DRC11: variants seen among roughly 807,000 people sequenced by gnomAD.
DRC11 encodes the protein IQ and AAA domain-containing protein 1.
chr2:236,317,189 A>G, the DRC11 span, among the ~76,000 whole-genome samples: 94 of 152,162 alleles, frequency 6.2e-4, no homozygotes, highest in African/African-American at 2.2e-3. The surrounding 1 kb of genome is among the most constrained non-coding windows in gnomAD (Gnocchi z 5.4). Flanking sequence ...CCGGCTACTC[A>G]GGAGGCTGAG....
At chr2:236,484,469 T>G in the DRC11 span, among the ~76,000 whole-genome samples, 2 of 152,226 alleles carry the variant, frequency 1.3e-5, no homozygotes, top group African/African-American at 4.8e-5. Context: ...ATGTAGAAAC[T>G]CTAAAACATC....
chr2:236,380,585 C>T, the DRC11 span: 25 of 1,551,650 alleles, frequency 1.6e-5, no homozygotes, highest in Non-Finnish European at 2.1e-5. The surrounding 1 kb of genome is among the most constrained non-coding windows in gnomAD (Gnocchi z 4.9). Context: ...GCTGTCAGAT[C>T]TTTATCCTTC....
chr2:236,381,037 G>A, the DRC11 span, among the ~76,000 whole-genome samples: 1 of 152,176 alleles, frequency 6.6e-6, no homozygotes, highest in Non-Finnish European at 1.5e-5. This position sits in a 1 kb window ranked among gnomAD's most constrained non-coding sequence, Gnocchi z 5.8. Flanking sequence ...AAACTCATGA[G>A]TTGAAGCCTA....
At chr2:236,432,995 G>C in the DRC11 span, among the ~76,000 whole-genome samples, 1 of 152,014 alleles carries the variant, frequency 6.6e-6, no homozygotes, top group African/African-American at 2.4e-5. Context: ...TGACAACCTG[G>C]CTCTTCTTAT....
At chr2:236,374,857 AT>A in the DRC11 span, among the ~76,000 whole-genome samples, 778 of 125,936 alleles carry the variant, frequency 6.2e-3, 2 homozygotes, top group East Asian at 0.014. Flanking sequence ...TGCCTGGCTA[AT>A]TTTTTTTTTT....
the DRC11 span, among the ~76,000 whole-genome samples, chr2:236,430,219 A>ACACACG: frequency 6.6e-6 from 1 of 152,152 alleles, no homozygotes. This position sits in a 1 kb window ranked among gnomAD's most constrained non-coding sequence, Gnocchi z 6.0. Context: ...ACACACACAC[A>ACACACG]CACACAGAGC....
the DRC11 span, among the ~76,000 whole-genome samples, chr2:236,318,864 C>T: frequency 2.0e-5 from 3 of 152,276 alleles, no homozygotes; most frequent in East Asian, 5.8e-4. The surrounding 1 kb of genome is among the most constrained non-coding windows in gnomAD (Gnocchi z 7.0). Context: ...CAGCACCCGG[C>T]TCATCTTCCT....
the DRC11 span, among the ~76,000 whole-genome samples, chr2:236,415,950 A>T: frequency 6.6e-6 from 1 of 152,182 alleles, no homozygotes. The surrounding 1 kb of genome is among the most constrained non-coding windows in gnomAD (Gnocchi z 5.7). Flanking sequence ...TCGCAGAGTA[A>T]GAGTATGATT....
the DRC11 span, among the ~76,000 whole-genome samples, chr2:236,428,440 A>G: frequency 6.6e-6 from 1 of 152,074 alleles, no homozygotes; most frequent in African/African-American, 2.4e-5. Flanking sequence ...ATATATTTGC[A>G]ATTGTTATAT....
At chr2:236,506,226 C>T in the DRC11 span, among the ~76,000 whole-genome samples, 1 of 152,260 alleles carries the variant, frequency 6.6e-6, no homozygotes, top group East Asian at 1.9e-4. The surrounding 1 kb of genome is among the most constrained non-coding windows in gnomAD (Gnocchi z 4.9). Flanking sequence ...CCCAGCCTTA[C>T]TGTGGATGAT....
chr2:236,321,375 T>C, the DRC11 span, among the ~76,000 whole-genome samples: 1 of 152,186 alleles, frequency 6.6e-6, no homozygotes, highest in Non-Finnish European at 1.5e-5. Context: ...ATTTACAGAA[T>C]TAAGCAAAAA....
At chr2:236,393,118 A>C in the DRC11 span, among the ~76,000 whole-genome samples, 1 of 152,180 alleles carries the variant, frequency 6.6e-6, no homozygotes, top group African/African-American at 2.4e-5. This position sits in a 1 kb window ranked among gnomAD's most constrained non-coding sequence, Gnocchi z 4.7. Context: ...GGAAGCCAAG[A>C]CTTGTCATTT....
At chr2:236,469,515 T>C in the DRC11 span, among the ~76,000 whole-genome samples, 2 of 152,252 alleles carry the variant, frequency 1.3e-5, no homozygotes, top group Non-Finnish European at 2.9e-5. This position sits in a 1 kb window ranked among gnomAD's most constrained non-coding sequence, Gnocchi z 5.8. Context: ...TCATTCCATG[T>C]TAATGAAGAA....
chr2:236,362,218 C>T, the DRC11 span, among the ~76,000 whole-genome samples: 1 of 152,122 alleles, frequency 6.6e-6, no homozygotes, highest in Non-Finnish European at 1.5e-5. This position sits in a 1 kb window ranked among gnomAD's most constrained non-coding sequence, Gnocchi z 5.7. Context: ...TTAACCTAAA[C>T]AATGAAATGA....
chr2:236,344,868 T>G, the DRC11 span, among the ~76,000 whole-genome samples: 3 of 148,544 alleles, frequency 2.0e-5, no homozygotes, highest in African/African-American at 5.0e-5. Flanking sequence ...GCCCTGGTTA[T>G]AAACGTGCTT....
chr2:236,317,301 A>G, the DRC11 span, among the ~76,000 whole-genome samples: 1,943 of 139,550 alleles, frequency 0.014, 80 homozygotes, highest in East Asian at 0.14. This position sits in a 1 kb window ranked among gnomAD's most constrained non-coding sequence, Gnocchi z 5.4. Context: ...TATCGGGGGA[A>G]AAAAAAAAAA....
At chr2:236,434,834 G>T in the DRC11 span, among the ~76,000 whole-genome samples, 1 of 152,112 alleles carries the variant, frequency 6.6e-6, no homozygotes, top group Non-Finnish European at 1.5e-5. The surrounding 1 kb of genome is among the most constrained non-coding windows in gnomAD (Gnocchi z 5.5). Flanking sequence ...CTGGATGCTT[G>T]CCATGGACTT....
chr2:236,469,494 T>C, the DRC11 span, among the ~76,000 whole-genome samples: 2 of 152,228 alleles, frequency 1.3e-5, no homozygotes, highest in African/African-American at 4.8e-5. The surrounding 1 kb of genome is among the most constrained non-coding windows in gnomAD (Gnocchi z 5.8). Flanking sequence ...CAGAACTCAG[T>C]GACTTTCCCG....
At chr2:236,331,710 ACT>A in the DRC11 span, 1 of 739,008 alleles carries the variant, frequency 1.4e-6, no homozygotes, top group Non-Finnish European at 2.2e-6. The surrounding 1 kb of genome is among the most constrained non-coding windows in gnomAD (Gnocchi z 4.8). Flanking sequence ...ACAGAAGTCT[ACT>A]CTAGCTTATT....
Sources: gnomAD v4.1 joint callset for allele counts (sites outside exome capture counted in the v4.1 genomes callset) on GRCh38, gnomAD v4.1.1 for gene constraint, Gnocchi (gnomAD v3.1) non-coding constraint, MANE v1.5 for transcripts, NCBI Gene and HGNC (gene_info 2026-07-23, HGNC 2026-07-21) for gene names.